The following NPIPA7 variants were observed in gnomAD, a reference collection of about 807,000 sequenced individuals.
The protein encoded by NPIPA7 is nuclear pore complex interacting protein family member A7.
chr16:16,386,593 G>T (rs1359058526), intron 2 of NPIPA7, among the ~76,000 whole-genome samples: 19 of 106,534 alleles, frequency 1.8e-4, no homozygotes, highest in Non-Finnish European at 3.4e-4. Flanking sequence ...GGGACTACAG[G>T]CGTGGGCCAC....
intron 2 of NPIPA7, among the ~76,000 whole-genome samples, chr16:16,385,842 A>G (rs1296226870): frequency 3.4e-3 from 1 of 296 alleles, no homozygotes; most frequent in South Asian, 0.021. Flanking sequence ...AAAAAGACAA[A>G]AATTAGCCAG....
At chr16:16,386,159 TAGTG>T (rs2050120365) in intron 2 of NPIPA7, among the ~76,000 whole-genome samples, 1 of 94,026 alleles carries the variant, frequency 1.1e-5, no homozygotes, top group South Asian at 4.1e-4. Context: ...ATTCAGTCAT[TAGTG>T]AGAATGTTTT....
intron 1 of NPIPA7, among the ~76,000 whole-genome samples, chr16:16,382,172 G>C (rs1239064537): frequency 2.0e-5 from 2 of 101,216 alleles, no homozygotes; most frequent in African/African-American, 4.8e-5. Context: ...CAAGAGAGAA[G>C]TATTATTTAG....
chr16:16,382,347 A>C (rs1206014703), intron 1 of NPIPA7, among the ~76,000 whole-genome samples: 1 of 34,740 alleles, frequency 2.9e-5, no homozygotes, highest in Non-Finnish European at 4.7e-5. Flanking sequence ...TCATGAGGTC[A>C]GGAGTTGGAG....
chr16:16,388,030 C>T lies in NPIPA7; in HGVS notation c.437+224C>T, dbSNP rs190841162. 8.7e-5 allele frequency among the ~76,000 whole-genome samples: 8 copies of T among 91,940 alleles called. 1 individual carries two copies. The Admixed American group carries it at 9.7e-4, about 11-fold the overall frequency. 60.3% of individuals were successfully genotyped at this position (91,940 alleles called of 152,430 possible). A position where few individuals can be genotyped will look rare whatever the true frequency, so the allele number is the denominator to read the frequency against. ...AGGGGAAGAGGAGTTGCTAGTACTG[C>T]ATTGGTTTTCCTTTCTCTCTCTTTT... On this transcript the variant is annotated intron_variant, in intron 4 of 7. Coordinates refer to ENST00000530217, the Ensembl canonical transcript of NPIPA7.
chr16:16,387,987 C>A lies in NPIPA7; in HGVS notation c.437+181C>A, dbSNP rs1473903039. Among the ~76,000 whole-genome samples, 2 of 82,166 alleles carry A rather than the reference C, an allele frequency of 2.4e-5. 1 individual carries two copies. The highest frequency in any genetic ancestry group is 4.3e-5 in the Non-Finnish European group (2 of 46,624). 53.9% of individuals were successfully genotyped at this position (82,166 alleles called of 152,430 possible). Reference sequence around the variant, plus strand: ...TATAATTCCTTTCCCTTCCTACATTCTTGTTTGTCATTTTTTCAGGGGAAG... The same window carrying A: ...TATAATTCCTTTCCCTTCCTACATTATTGTTTGTCATTTTTTCAGGGGAAG... On this transcript the variant is annotated intron_variant, in intron 4 of 7. Coordinates refer to ENST00000530217, the Ensembl canonical transcript of NPIPA7.
chr16:16,388,046 TC>T (rs2050200985), intron 4 of NPIPA7, among the ~76,000 whole-genome samples: 3 of 15,070 alleles, frequency 2.0e-4, no homozygotes, highest in East Asian at 0.011. Context: ...TTTTCCTTTC[TC>T]TCTCTTTTTT....
At position 16,387,098 on chromosome 16, in the gene NPIPA7, C is replaced by T. The variant is rs576841010; in HGVS notation, c.193-301C>T. 1.4e-4 allele frequency among the ~76,000 whole-genome samples: 15 copies of T among 110,614 alleles called. 1 individual carries two copies. The South Asian group carries it at 4.6e-3, about 34-fold the overall frequency. 72.6% of individuals were successfully genotyped at this position (110,614 alleles called of 152,430 possible). On this transcript the variant is annotated intron_variant, in intron 2 of 7. Coordinates refer to ENST00000530217, the Ensembl canonical transcript of NPIPA7. ...TGTGTGTGTGTGTGTGTGTGTGTGACAGAGTCTCATTCTGTCGCTCAGGCT... is the reference window on the plus strand; with the variant it reads ...TGTGTGTGTGTGTGTGTGTGTGTGATAGAGTCTCATTCTGTCGCTCAGGCT...
rs1480936729 is a variant in NPIPA7 at position 16,387,002 on chromosome 16, G to A, written c.193-397G>A. On this transcript the variant is annotated intron_variant, in intron 2 of 7. Transcript: ENST00000530217. ...GACCTCAGGTGATCCGCCTGCCTCGGCCTCCCAAAGTACTGGGATTACAGG... is the reference window on the plus strand; with the variant it reads ...GACCTCAGGTGATCCGCCTGCCTCGACCTCCCAAAGTACTGGGATTACAGG... Among the ~76,000 whole-genome samples the A allele has an allele frequency of 1.5e-4, 22 of 145,548 alleles. 1 individual carries two copies. Among genetic ancestry groups the A allele is most frequent in the Middle Eastern group, 3.5e-3 (1 of 286 alleles).
chr16:16,387,178 C>G (rs1450027939), intron 2 of NPIPA7, among the ~76,000 whole-genome samples: 1 of 134,340 alleles, frequency 7.4e-6, no homozygotes, highest in Non-Finnish European at 1.7e-5. Context: ...CAGCTTCAAA[C>G]GGTTCTCTGC....
chr16:16,382,086 G>A (rs1339218370), intron 1 of NPIPA7, among the ~76,000 whole-genome samples: 1 of 104,038 alleles, frequency 9.6e-6, no homozygotes, highest in Non-Finnish European at 1.9e-5. Flanking sequence ...ACTTATTTGT[G>A]AATGAAGTAA....
At chr16:16,387,095 T>C (rs1172700730) in intron 2 of NPIPA7, among the ~76,000 whole-genome samples, 1 of 117,270 alleles carries the variant, frequency 8.5e-6, no homozygotes, top group Non-Finnish European at 1.9e-5. Context: ...TGTGTGTGTG[T>C]GACAGAGTCT....
intron 2 of NPIPA7, among the ~76,000 whole-genome samples, chr16:16,386,375 A>G (rs1485312469): frequency 7.1e-6 from 1 of 140,294 alleles, no homozygotes; most frequent in Non-Finnish European, 1.6e-5. Flanking sequence ...GTGGTAAAAT[A>G]CTTACAAGAT....
intron 4 of NPIPA7, among the ~76,000 whole-genome samples, chr16:16,388,398 G>A (rs1239325202): frequency 1.9e-4 from 1 of 5,170 alleles, no homozygotes; most frequent in African/African-American, 9.9e-4. Context: ...TCGCTCTGTC[G>A]CCCAGGCTGG....
chr16:16,386,000 T>A (rs1160492152), intron 2 of NPIPA7, among the ~76,000 whole-genome samples: 1 of 31,686 alleles, frequency 3.2e-5, no homozygotes. Context: ...AAGAAAAAAG[T>A]CATTTCAATG....
intron 2 of NPIPA7, among the ~76,000 whole-genome samples, chr16:16,386,159 T>C (rs1436709360): frequency 5.3e-5 from 5 of 93,922 alleles, no homozygotes; most frequent in Admixed American, 1.1e-4. Context: ...ATTCAGTCAT[T>C]AGTGAGAATG....
intron 2 of NPIPA7, among the ~76,000 whole-genome samples, chr16:16,386,870 C>T (rs946673914): frequency 1.5e-5 from 2 of 130,826 alleles, no homozygotes; most frequent in Admixed American, 1.6e-4. Context: ...CTGCCTCAGC[C>T]TCGCGACTAG....
chr16:16,385,960 C>A (rs1427256003), intron 2 of NPIPA7, among the ~76,000 whole-genome samples: 2 of 12,828 alleles, frequency 1.6e-4, no homozygotes, highest in African/African-American at 7.7e-4. Context: ...TGCCACTGCA[C>A]TTCAGCATGG....
rs2050178281 is a variant in NPIPA7 at position 16,387,379 on chromosome 16, C to G, written c.193-20C>G. The G allele has an allele frequency of 1.7e-6, 1 of 599,446 alleles. No homozygotes were observed. The highest frequency in any genetic ancestry group is 1.9e-5 in the South Asian group (1 of 51,296). 37.1% of individuals were successfully genotyped at this position (599,446 alleles called of 1,614,324 possible). A position where few individuals can be genotyped will look rare whatever the true frequency, so the allele number is the denominator to read the frequency against. On this transcript the variant is annotated intron_variant, in intron 2 of 7. Coordinates refer to ENST00000530217, the Ensembl canonical transcript of NPIPA7. ...TGAGCCACCGTGCCCAGCCGTCATT[C>G]TTATATTATTATTTCCTAGGTGTCT...
Sources: allele counts gnomAD v4.1 joint callset (sites outside exome capture counted in the v4.1 genomes callset), GRCh38; gene constraint gnomAD v4.1.1; transcripts MANE v1.5; gene names NCBI Gene and HGNC (gene_info 2026-07-23, HGNC 2026-07-21).